Variants in SCG5 observed in about 807,000 individuals in gnomAD.
The protein encoded by SCG5 is secretogranin V, also known as neuroendocrine protein 7B2.
SCG5 carries 18 observed loss-of-function variants against 25.7 expected under a neutral mutation model. The observed-to-expected ratio is 0.70, with a 90% CI of 0.48 to 1.04. The LOEUF is 1.04. SCG5 is among the 50% of genes least tolerant of loss of function. SCG5 has a pLI of 0.00. For synonymous variants in SCG5, 101 were observed against 91.7 expected (o/e 1.10, Z -0.58); for missense variants, 206 against 259.8 (o/e 0.79, Z 1.42).
intron 2 of SCG5, among the ~76,000 whole-genome samples, chr15:32,669,315 C>T (rs915186510): frequency 7.9e-5 from 12 of 152,102 alleles, no homozygotes; most frequent in Admixed American, 3.3e-4. Flanking sequence ...TAATTGGAGG[C>T]GGTAGGCCTG....
chr15:32,641,937 A>G (rs2053868997), intron 1 of SCG5, among the ~76,000 whole-genome samples, 159 bp downstream of exon 1: 1 of 152,130 alleles, frequency 6.6e-6, no homozygotes, highest in African/African-American at 2.4e-5. Flanking sequence ...AGTAAGGGGA[A>G]GGGAGTACTG....
intron 5 of SCG5, among the ~76,000 whole-genome samples, chr15:32,693,402 A>T (rs968562775): frequency 1.3e-5 from 2 of 152,196 alleles, no homozygotes; most frequent in African/African-American, 4.8e-5. Context: ...GGTCACTTTG[A>T]CCCAGAGATA....
chr15:32,696,564 G>GA lies in SCG5; in HGVS notation c.596dup (p.Ser200ValfsTer8), dbSNP rs759997899. The stretch of plus-strand genomic sequence containing the variant: ...AGAGACTGGATAATGTTGTTGCAAA[G>GA]AAGTCTGTCCCCCATTTTTCAGATG... On this transcript the variant is annotated frameshift_variant, in exon 6 of 6. Transcript: ENST00000300175. LOFTEE classifies it high-confidence loss of function. 37 of 1,613,194 alleles carry GA rather than the reference G, an allele frequency of 2.3e-5. No homozygotes were observed. The highest frequency in any genetic ancestry group is 6.7e-5 in the Admixed American group (4 of 59,982).
At chr15:32,648,286 A>G (rs1252503684) in intron 2 of SCG5, among the ~76,000 whole-genome samples, 1 of 151,940 alleles carries the variant, frequency 6.6e-6, no homozygotes, top group East Asian at 1.9e-4. Context: ...CTCTAGCTCT[A>G]CTCCAAACAC....
intron 2 of SCG5, among the ~76,000 whole-genome samples, chr15:32,674,742 C>G (rs73371056): frequency 1.4e-4 from 22 of 152,128 alleles, no homozygotes; most frequent in Non-Finnish European, 2.8e-4. Flanking sequence ...GAGACTCAAA[C>G]CAACCAGGTC....
chr15:32,679,103 AC>A (rs1166466286), intron 2 of SCG5, among the ~76,000 whole-genome samples: 1 of 151,962 alleles, frequency 6.6e-6, no homozygotes, highest in East Asian at 1.9e-4. Flanking sequence ...CCAGAGCCCT[AC>A]CCATCTGTGT....
intron 2 of SCG5, among the ~76,000 whole-genome samples, chr15:32,657,506 T>G (rs2054144633): frequency 6.6e-6 from 1 of 151,994 alleles, no homozygotes; most frequent in Non-Finnish European, 1.5e-5. Flanking sequence ...TTACAGATGT[T>G]GTATTCTGCC....
intron 2 of SCG5, among the ~76,000 whole-genome samples, chr15:32,653,958 C>T (rs1372858593): frequency 2.6e-5 from 4 of 152,064 alleles, no homozygotes; most frequent in Non-Finnish European, 5.9e-5. Flanking sequence ...TATTATAATC[C>T]ACATAAATAT....
intron 4 of SCG5, among the ~76,000 whole-genome samples, chr15:32,691,278 T>A (rs980253761): frequency 2.0e-5 from 3 of 152,236 alleles, no homozygotes; most frequent in Non-Finnish European, 4.4e-5. Flanking sequence ...AGTCAGAATG[T>A]CTCGTTTATT....
chr15:32,650,618 G>A (rs1233281003), intron 2 of SCG5, among the ~76,000 whole-genome samples: 2 of 152,208 alleles, frequency 1.3e-5, no homozygotes, highest in Non-Finnish European at 2.9e-5. Flanking sequence ...CTGTGAGATG[G>A]GAGCTCTTGG....
At chr15:32,680,880 T>C (rs764651611) in intron 3 of SCG5, among the ~76,000 whole-genome samples, 3 of 152,184 alleles carry the variant, frequency 2.0e-5, no homozygotes, top group Non-Finnish European at 4.4e-5. Context: ...ACCTTGGTGG[T>C]TAAGAGTAGT....
chr15:32,692,482 G>A (rs913995453), intron 5 of SCG5, among the ~76,000 whole-genome samples: 3 of 152,136 alleles, frequency 2.0e-5, no homozygotes, highest in Non-Finnish European at 2.9e-5. Context: ...ATAGCATCAA[G>A]ACTTGATAAG....
At chr15:32,665,125 T>G (rs992762768) in intron 2 of SCG5, among the ~76,000 whole-genome samples, 6 of 152,196 alleles carry the variant, frequency 3.9e-5, no homozygotes, top group African/African-American at 1.4e-4. Context: ...CCCAAAAAAG[T>G]CTTATATCTC....
At chr15:32,676,904 C>T (rs2054540730) in intron 2 of SCG5, among the ~76,000 whole-genome samples, 1 of 152,094 alleles carries the variant, frequency 6.6e-6, no homozygotes, top group Non-Finnish European at 1.5e-5. Context: ...AAGAGAATGA[C>T]AGTCACTTAT....
At chr15:32,655,632 A>G (rs1395489567) in intron 2 of SCG5, among the ~76,000 whole-genome samples, 1 of 152,174 alleles carries the variant, frequency 6.6e-6, no homozygotes, top group Non-Finnish European at 1.5e-5. Flanking sequence ...TCCCCACTGC[A>G]ATAGTAATAA....
At chr15:32,652,919 TA>T (rs1412283705) in intron 2 of SCG5, among the ~76,000 whole-genome samples, 1 of 152,228 alleles carries the variant, frequency 6.6e-6, no homozygotes, top group Non-Finnish European at 1.5e-5. Context: ...TCAAAAGATC[TA>T]AAGTGTCATC....
intron 2 of SCG5, among the ~76,000 whole-genome samples, chr15:32,669,902 G>A (rs7169422): frequency 0.98 from 149,354 of 152,188 alleles, 73,290 homozygotes; most frequent in East Asian, 1. Flanking sequence ...TCTCCTTTTG[G>A]AAAGCAAGCA....
intron 2 of SCG5, chr15:32,666,248 TTATTTC>T (rs1218979641): frequency 2.0e-5 from 3 of 152,224 alleles, no homozygotes; most frequent in African/African-American, 4.8e-5. Flanking sequence ...CATACATACT[TTATTTC>T]TATTAGCCTG....
intron 2 of SCG5, among the ~76,000 whole-genome samples, chr15:32,673,309 C>T (rs1175434220): frequency 6.6e-6 from 1 of 152,148 alleles, no homozygotes; most frequent in Non-Finnish European, 1.5e-5. Flanking sequence ...TCACAAATTC[C>T]ATAAAGCAAG....
Sources: gnomAD v4.1 joint callset for allele counts (sites outside exome capture counted in the v4.1 genomes callset) on GRCh38, gnomAD v4.1.1 for gene constraint, MANE v1.5 for transcripts, NCBI Gene and HGNC (gene_info 2026-07-23, HGNC 2026-07-21) for gene names.